Variants in N4BP2L2 observed in about 807,000 individuals in gnomAD.
N4BP2L2 encodes the protein NEDD4 binding protein 2 like 2.
A neutral mutation model predicts 56.2 loss-of-function variants in N4BP2L2; 50 were observed. The ratio of observed to expected loss-of-function variants is 0.89; its 90% CI spans 0.71 to 1.13. The LOEUF is 1.13. Among genes scored for constraint, N4BP2L2 ranks in the 50% most tolerant of loss-of-function variants. N4BP2L2 has a pLI of 0.00. For missense variants in N4BP2L2, 689 were observed against 693.8 expected (o/e 0.99, Z 0.08); for synonymous variants, 203 against 223.6 (o/e 0.91, Z 0.82).
At chr13:32,475,455 G>T (rs2083139578) in intron 6 of N4BP2L2, among the ~76,000 whole-genome samples, 1 of 152,232 alleles carries the variant, frequency 6.6e-6, no homozygotes, top group Admixed American at 6.5e-5. Flanking sequence ...AAGTTTTATA[G>T]TCCAGTTTGA....
chr13:32,437,479 T>C (rs2075659228), intron 8 of N4BP2L2, among the ~76,000 whole-genome samples: 1 of 152,182 alleles, frequency 6.6e-6, no homozygotes, highest in South Asian at 2.1e-4. Context: ...ATTTAAATAA[T>C]AACCAACTAA....
chr13:32,444,398 G>A (rs2076730253), intron 6 of N4BP2L2, among the ~76,000 whole-genome samples: 1 of 152,064 alleles, frequency 6.6e-6, no homozygotes, highest in South Asian at 2.1e-4. Flanking sequence ...GCAAGTAGCT[G>A]GTATTATGGG....
In N4BP2L2 at chr13:32,536,322, G is replaced by A. The variant is rs2056548282; in HGVS notation, c.706C>T (p.Gln236Ter). 1 of 1,613,782 alleles carries A rather than the reference G, an allele frequency of 6.2e-7. No individual in the cohort carries two copies. The highest frequency in any genetic ancestry group is 1.7e-5 in the Admixed American group (1 of 59,986). Residue 236 changes from glutamine to a stop codon, truncating the protein, a stop_gained, in exon 2 of 6, where the codon CAG becomes TAG. Transcript: ENST00000267068. LOFTEE classifies it high-confidence loss of function. ...TCTGGCTCATTCCCCAAGTTCTGCTGATAATCACAATGTGATGGCATAGCT... is the reference window on the plus strand; with the variant it reads ...TCTGGCTCATTCCCCAAGTTCTGCTAATAATCACAATGTGATGGCATAGCT...
At chr13:32,508,487 A>G (rs2139707650), downstream of N4BP2L2, 1 of 152,238 alleles carries the variant, frequency 6.6e-6, no homozygotes, top group South Asian at 2.1e-4. Flanking sequence ...ACGAGAGAGG[A>G]TGGACACAAA....
exon 7 of N4BP2L2, chr13:32,443,694 G>C (rs879633373): frequency 2.5e-6 from 4 of 1,603,332 alleles, no homozygotes; most frequent in Admixed American, 1.7e-5. Flanking sequence ...CACAGGAAAG[G>C]TTTTGAGTCA....
intron 7 of N4BP2L2, among the ~76,000 whole-genome samples, chr13:32,441,486 C>T (rs1372679681): frequency 6.7e-6 from 1 of 150,220 alleles, no homozygotes; most frequent in Non-Finnish European, 1.5e-5. Flanking sequence ...GAGTTGGAGA[C>T]CAACCTGGCC....
chr13:32,532,245 G>T (rs1032790444), intron 2 of N4BP2L2, among the ~76,000 whole-genome samples: 1 of 152,130 alleles, frequency 6.6e-6, no homozygotes, highest in African/African-American at 2.4e-5. Context: ...CTGTAAAACA[G>T]ATGATAACAA....
intron 6 of N4BP2L2, among the ~76,000 whole-genome samples, chr13:32,488,080 T>A (rs1023907660): frequency 1.8e-4 from 27 of 152,130 alleles, no homozygotes; most frequent in Non-Finnish European, 3.7e-4. Flanking sequence ...AGAGGCCTAG[T>A]TTGCATAATT....
At chr13:32,444,521 C>A (rs576931193) in intron 6 of N4BP2L2, among the ~76,000 whole-genome samples, 2 of 152,294 alleles carry the variant, frequency 1.3e-5, no homozygotes, top group Admixed American at 1.3e-4. Flanking sequence ...CCTGCCTCAG[C>A]CTCCCAAAGT....
chr13:32,509,853 A>G (rs1159466073), downstream of N4BP2L2, among the ~76,000 whole-genome samples: 1 of 152,196 alleles, frequency 6.6e-6, no homozygotes, highest in Non-Finnish European at 1.5e-5. Context: ...TAACATTTAG[A>G]ACAATGAAGA....
At chr13:32,450,870 T>TTCTCTCTCTC (rs534768522) in intron 6 of N4BP2L2, among the ~76,000 whole-genome samples, 19 of 59,964 alleles carry the variant, frequency 3.2e-4, no homozygotes, top group African/African-American at 8.3e-4. Context: ...CCCCATCCCC[T>TTCTCTCTCTC]TCTCTCTCTC....
At chr13:32,459,350 T>G (rs537828221) in intron 6 of N4BP2L2, among the ~76,000 whole-genome samples, 20 of 151,342 alleles carry the variant, frequency 1.3e-4, no homozygotes, top group African/African-American at 4.6e-4. Flanking sequence ...ACAAAAAGTG[T>G]TTTTTTTGAG....
chr13:32,498,433 G>A (rs1444122090), intron 6 of N4BP2L2, among the ~76,000 whole-genome samples: 1 of 152,092 alleles, frequency 6.6e-6, no homozygotes, highest in Non-Finnish European at 1.5e-5. Context: ...TGCAATCTCC[G>A]TGTCCTGGGT....
intron 6 of N4BP2L2, among the ~76,000 whole-genome samples, chr13:32,475,955 T>C (rs2083251026): frequency 6.6e-6 from 1 of 152,066 alleles, no homozygotes; most frequent in African/African-American, 2.4e-5. Context: ...GCATGATATA[T>C]CTTGTTAGAG....
intron 6 of N4BP2L2, among the ~76,000 whole-genome samples, chr13:32,463,704 T>C (rs2080665212): frequency 6.7e-6 from 1 of 149,060 alleles, no homozygotes; most frequent in Admixed American, 6.7e-5. Flanking sequence ...AAGAGATCAG[T>C]GTTAGGATTA....
chr13:32,467,851 A>C (rs909506036), intron 6 of N4BP2L2, among the ~76,000 whole-genome samples: 1 of 151,234 alleles, frequency 6.6e-6, no homozygotes, highest in African/African-American at 2.4e-5. Context: ...TTATCTGGGC[A>C]TGGTGGCGGG....
Position 32,522,273 on chromosome 13 carries a change from G to A in N4BP2L2, c.1385-3C>T, listed in dbSNP as rs2140052383. ...TCCCTGATCGATAGCTTGTTTTGCT[G>A]AAATAAAATATAAATTTAAAAATAA... On this transcript the variant is annotated splice_polypyrimidine_tract_variant and splice_region_variant and intron_variant, in intron 3 of 5. Transcript: ENST00000267068. 1 of 1,478,200 alleles carries A rather than the reference G, an allele frequency of 6.8e-7. No individual in the cohort carries two copies. Among genetic ancestry groups the A allele is most frequent in the East Asian group, 2.4e-5 (1 of 42,306 alleles). 91.6% of individuals were successfully genotyped at this position (1,478,200 alleles called of 1,614,324 possible).
At chr13:32,492,916 G>GTTTTTTTTTTTTTTT (rs35025430) in intron 6 of N4BP2L2, among the ~76,000 whole-genome samples, 1 of 107,516 alleles carries the variant, frequency 9.3e-6, no homozygotes, top group Non-Finnish European at 1.8e-5. Context: ...TAGCTTTTCT[G>GTTTTTTTTTTTTTTT]TTTTTTTTTT....
chr13:32,500,109 A>G (rs1489135738), intron 6 of N4BP2L2, among the ~76,000 whole-genome samples: 1 of 152,094 alleles, frequency 6.6e-6, no homozygotes, highest in East Asian at 1.9e-4. Context: ...TGCCTTGGGT[A>G]TGATGCCCAC....
Sources: allele counts gnomAD v4.1 joint callset (sites outside exome capture counted in the v4.1 genomes callset), GRCh38; gene constraint gnomAD v4.1.1; transcripts MANE v1.5; gene names NCBI Gene and HGNC (gene_info 2026-07-23, HGNC 2026-07-21).